OXR1: variants seen among roughly 807,000 people sequenced by gnomAD.
OXR1 encodes oxidation resistance protein 1.
Under a neutral mutation model 104.6 loss-of-function variants are expected in OXR1, and 41 were observed. The observed-to-expected ratio is 0.39, with a 90% CI of 0.31 to 0.51. OXR1 has a LOEUF of 0.51. Among genes scored for constraint, OXR1 ranks in the 20% least tolerant of loss-of-function variants. OXR1 has a pLI of 0.77. For missense variants in OXR1, 955 were observed against 1,031.9 expected (o/e 0.93, Z 1.02); for synonymous variants, 348 against 348.4 (o/e 1.00, Z 0.01).
At chr8:106,433,582 C>T (rs914301986) in intron 2 of OXR1, among the ~76,000 whole-genome samples, 4 of 152,148 alleles carry the variant, frequency 2.6e-5, no homozygotes, top group South Asian at 2.1e-4. Flanking sequence ...AACTTAGTTC[C>T]GTCTATGCCC....
chr8:106,314,892 C>T (rs1211748790), intron 1 of OXR1, among the ~76,000 whole-genome samples: 1 of 152,162 alleles, frequency 6.6e-6, no homozygotes, highest in Non-Finnish European at 1.5e-5. Flanking sequence ...TATAGACACT[C>T]AGAATTTTAT....
At chr8:106,464,727 G>A (rs1821084813) in intron 2 of OXR1, among the ~76,000 whole-genome samples, 1 of 151,994 alleles carries the variant, frequency 6.6e-6, no homozygotes, top group African/African-American at 2.4e-5. Context: ...TTATCCTGTA[G>A]CTGGAAGAAA....
chr8:106,454,079 T>C (rs1433278843), intron 2 of OXR1, among the ~76,000 whole-genome samples: 1 of 152,228 alleles, frequency 6.6e-6, no homozygotes, highest in Admixed American at 6.5e-5. Flanking sequence ...ATACATTGGT[T>C]AAAGTAATTA....
chr8:106,669,384 G>T (rs1826689903), intron 3 of OXR1, among the ~76,000 whole-genome samples: 1 of 152,104 alleles, frequency 6.6e-6, no homozygotes, highest in South Asian at 2.1e-4. Flanking sequence ...CAGAAAGATG[G>T]AGTAGTATCT....
intron 3 of OXR1, chr8:106,520,356 C>T (rs1316320965): frequency 6.6e-6 from 1 of 152,044 alleles, no homozygotes; most frequent in African/African-American, 2.4e-5. Context: ...ATTCCTACAA[C>T]AATTTCCTGT....
At position 106,474,323 on chromosome 8, in the gene OXR1, T is replaced by C. The variant is rs187454924; in HGVS notation, c.24-44620T>C. ...GAAGCACATTTTAAAGAGATGCCTA[T>C]GTACATTCAAGTATGAGAAGTATTT... On this transcript the variant is annotated intron_variant, in intron 2 of 16. Transcript: ENST00000517566. Among the ~76,000 whole-genome samples the C allele has an allele frequency of 5.8e-4, 88 of 151,794 alleles. 1 individual carries two copies. In the East Asian group the frequency reaches 0.016, roughly 28 times the overall value.
At chr8:106,439,911 A>G (rs1819717866) in intron 2 of OXR1, among the ~76,000 whole-genome samples, 1 of 152,156 alleles carries the variant, frequency 6.6e-6, no homozygotes, top group African/African-American at 2.4e-5. Flanking sequence ...TTATGTGAAT[A>G]AAATCCTTGA....
intron 12 of OXR1, among the ~76,000 whole-genome samples, chr8:106,739,231 C>T (rs929331278): frequency 6.6e-6 from 1 of 152,056 alleles, no homozygotes; most frequent in Non-Finnish European, 1.5e-5. Context: ...AGTCGTTCCT[C>T]ATGTAGTGGA....
At chr8:106,548,069 TTTAA>T (rs1177105077) in intron 3 of OXR1, among the ~76,000 whole-genome samples, 1 of 152,226 alleles carries the variant, frequency 6.6e-6, no homozygotes, top group Non-Finnish European at 1.5e-5. Flanking sequence ...TGGTGGGAAT[TTTAA>T]TTCTCACCAC....
intron 2 of OXR1, among the ~76,000 whole-genome samples, chr8:106,508,314 G>A (rs1812300415): frequency 6.6e-6 from 1 of 152,204 alleles, no homozygotes; most frequent in Admixed American, 6.5e-5. Flanking sequence ...CTGAGAAGAA[G>A]AAAAGTGATT....
chr8:106,354,922 A>G (rs936973630), intron 1 of OXR1, among the ~76,000 whole-genome samples: 2 of 152,096 alleles, frequency 1.3e-5, no homozygotes, highest in Admixed American at 6.5e-5. Context: ...AATCTCATTC[A>G]TGAATAAAAT....
intron 11 of OXR1, among the ~76,000 whole-genome samples, chr8:106,732,661 G>A (rs1833994350): frequency 6.6e-6 from 1 of 152,028 alleles, no homozygotes; most frequent in Admixed American, 6.5e-5. Flanking sequence ...TCTTTACCAT[G>A]TTGATGTAAT....
chr8:106,583,973 A>G (rs1012332044), intron 3 of OXR1, among the ~76,000 whole-genome samples: 4 of 152,120 alleles, frequency 2.6e-5, no homozygotes, highest in Non-Finnish European at 5.9e-5. Context: ...CACTGACTAA[A>G]CCAAGGACAC....
At chr8:106,373,587 T>C (rs1386333980) in intron 2 of OXR1, among the ~76,000 whole-genome samples, 24 of 152,166 alleles carry the variant, frequency 1.6e-4, no homozygotes, top group Admixed American at 1.6e-3. Flanking sequence ...AGATGGAAGA[T>C]AGGGTGTTCT....
At chr8:106,560,167 A>T (rs1304286390) in intron 3 of OXR1, among the ~76,000 whole-genome samples, 1 of 152,202 alleles carries the variant, frequency 6.6e-6, no homozygotes, top group Non-Finnish European at 1.5e-5. Context: ...TTTTAAATAA[A>T]TGATTCCTAG....
chr8:106,482,861 A>G (rs147809369), intron 2 of OXR1, among the ~76,000 whole-genome samples: 2 of 151,658 alleles, frequency 1.3e-5, no homozygotes, highest in African/African-American at 4.8e-5. Flanking sequence ...ATTTAGATCA[A>G]TTTTTTTAGT....
intron 2 of OXR1, among the ~76,000 whole-genome samples, chr8:106,508,114 A>G (rs910572178): frequency 4.6e-5 from 7 of 152,096 alleles, no homozygotes; most frequent in African/African-American, 1.2e-4. Context: ...CTATTTCTCA[A>G]TTAGTTCAGG....
chr8:106,456,126 A>T (rs746742955), intron 2 of OXR1, among the ~76,000 whole-genome samples: 1 of 152,216 alleles, frequency 6.6e-6, no homozygotes, highest in Non-Finnish European at 1.5e-5. Flanking sequence ...ATGATATAGA[A>T]TTAAATAAAA....
chr8:106,378,626 C>T (rs1817005243), intron 2 of OXR1, among the ~76,000 whole-genome samples: 1 of 152,198 alleles, frequency 6.6e-6, no homozygotes, highest in African/African-American at 2.4e-5. Flanking sequence ...TTTCCTGCCT[C>T]AGCCTCCCGA....
Sources: gnomAD v4.1 joint callset for allele counts (sites outside exome capture counted in the v4.1 genomes callset) on GRCh38, gnomAD v4.1.1 for gene constraint, MANE v1.5 for transcripts, NCBI Gene and HGNC (gene_info 2026-07-23, HGNC 2026-07-21) for gene names.